ADAMTS17: variants seen among roughly 807,000 people sequenced by gnomAD.
The protein encoded by ADAMTS17 is A disintegrin and metalloproteinase with thrombospondin motifs 17.
A neutral mutation model predicts 141.5 loss-of-function variants in ADAMTS17; 113 were observed. The ratio of observed to expected loss-of-function variants is 0.80; its 90% CI spans 0.69 to 0.93. ADAMTS17 has a LOEUF of 0.93. ADAMTS17 is among the 40% of genes least tolerant of loss of function. ADAMTS17 has a pLI of 0.00. For missense variants in ADAMTS17, 1,659 were observed against 1,517.9 expected (o/e 1.09, Z -1.54); for synonymous variants, 768 against 630.6 (o/e 1.22, Z -3.27).
At chr15:100,117,659 T>G (rs112537433) in intron 12 of ADAMTS17, among the ~76,000 whole-genome samples, 2 of 152,048 alleles carry the variant, frequency 1.3e-5, no homozygotes, top group South Asian at 4.2e-4. Flanking sequence ...TTCCAGACTG[T>G]GTTCACTGGC....
intron 8 of ADAMTS17, among the ~76,000 whole-genome samples, chr15:100,181,970 G>A (rs184090199): frequency 1.5e-4 from 23 of 152,316 alleles, no homozygotes; most frequent in African/African-American, 4.3e-4. Context: ...CCACGAAGGC[G>A]AGGCCTGCCA....
chr15:100,219,563 C>T (rs2141773431), intron 7 of ADAMTS17, among the ~76,000 whole-genome samples: 1 of 152,318 alleles, frequency 6.6e-6, no homozygotes, highest in African/African-American at 2.4e-5. Context: ...CTTCTTCTAT[C>T]TCAAACCCAG....
chr15:100,090,487 G>A (rs1443962671), intron 15 of ADAMTS17, among the ~76,000 whole-genome samples: 1 of 152,148 alleles, frequency 6.6e-6, no homozygotes, highest in Admixed American at 6.5e-5. Context: ...GCTGATGCAT[G>A]GTATCCACAT....
rs1457118344 is a variant in ADAMTS17, at chr15:99,976,159, C to G, written c.3013G>C (p.Gly1005Arg). 1 of 1,550,704 alleles carries G rather than the reference C, an allele frequency of 6.4e-7. No individual in the cohort carries two copies. Among genetic ancestry groups the G allele is most frequent in the South Asian group, 1.2e-5 (1 of 84,058 alleles). Residue 1005 changes from glycine to arginine, a missense_variant, in exon 21 of 22, where the codon GGG becomes CGG. Physicochemically the swap from Gly to Arg is moderately radical, Grantham distance 125. Transcript: ENST00000268070. ...RVVQCMHKVT[G>R]RHGSECPALS... ...GCGGGGCACTCGCTGCCGTGGCGCC[C>G]TGTGACCTTGTGCATGCACTGCACC...
intron 3 of ADAMTS17, among the ~76,000 whole-genome samples, chr15:100,289,613 T>A (rs562278660): frequency 6.6e-6 from 1 of 151,988 alleles, no homozygotes; most frequent in East Asian, 1.9e-4. Context: ...TGCAAAAATC[T>A]TCAACAAAAT....
At chr15:100,135,469 G>C (rs1443848642) in intron 10 of ADAMTS17, among the ~76,000 whole-genome samples, 2 of 151,948 alleles carry the variant, frequency 1.3e-5, no homozygotes, top group Non-Finnish European at 2.9e-5. Flanking sequence ...ATTTTTAGTA[G>C]AGACGGGGTT....
chr15:100,312,425 C>T (rs180776102), intron 3 of ADAMTS17, among the ~76,000 whole-genome samples: 1 of 152,310 alleles, frequency 6.6e-6, no homozygotes, highest in Admixed American at 6.5e-5. Flanking sequence ...GAATGAAGGC[C>T]TGCTGACACT....
rs79369010 is a variant in ADAMTS17, at chr15:100,160,435, G to A, written c.1182-5115C>T. On this transcript the variant is annotated intron_variant, in intron 8 of 21. Coordinates refer to ENST00000268070, the MANE Select transcript of ADAMTS17 (RefSeq NM_139057.4). ...CACAATGGGAGGAGACTCAAGCCCT[G>A]GGAGGATGGTCTCCTCATTTATGGA... is the stretch of plus-strand genomic sequence containing the variant. 0.024 allele frequency among the ~76,000 whole-genome samples: 3,654 copies of A among 152,266 alleles called. 349 individuals are homozygous for A. In the East Asian group the frequency reaches 0.34, roughly 14 times the overall value.
chr15:100,013,643 A>T (rs1157800771), intron 18 of ADAMTS17, among the ~76,000 whole-genome samples: 1 of 152,214 alleles, frequency 6.6e-6, no homozygotes, highest in African/African-American at 2.4e-5. Context: ...TGAGATGATC[A>T]TGTGATTTTT....
intron 8 of ADAMTS17, chr15:100,168,658 G>A (rs925836171): frequency 6.6e-5 from 10 of 152,200 alleles, no homozygotes; most frequent in African/African-American, 2.2e-4. Flanking sequence ...TCAGTTTTAG[G>A]GAAGTCTACA....
intron 7 of ADAMTS17, among the ~76,000 whole-genome samples, chr15:100,241,894 T>C (rs2042838767): frequency 6.6e-6 from 1 of 152,158 alleles, no homozygotes; most frequent in African/African-American, 2.4e-5. Flanking sequence ...TAAACTGAAG[T>C]CCTAAATAGT....
intron 18 of ADAMTS17, among the ~76,000 whole-genome samples, chr15:100,042,452 C>G (rs1337871294): frequency 3.3e-5 from 5 of 152,306 alleles, no homozygotes; most frequent in African/African-American, 1.2e-4. Context: ...TCTTTTTCTT[C>G]ACAATTTCAT....
intron 18 of ADAMTS17, among the ~76,000 whole-genome samples, chr15:100,008,112 A>G (rs2061074027): frequency 6.6e-6 from 1 of 152,058 alleles, no homozygotes; most frequent in Non-Finnish European, 1.5e-5. Context: ...GGATGGGTGA[A>G]GGAGAGGGTG....
chr15:100,299,495 T>C (rs1396591740), intron 3 of ADAMTS17, among the ~76,000 whole-genome samples: 4 of 150,430 alleles, frequency 2.7e-5, no homozygotes, highest in Admixed American at 2.6e-4. Flanking sequence ...CAGTTTTACC[T>C]TCTAAATTGA....
intron 8 of ADAMTS17, among the ~76,000 whole-genome samples, chr15:100,179,388 A>T (rs1312973037): frequency 6.6e-6 from 1 of 152,070 alleles, no homozygotes; most frequent in Non-Finnish European, 1.5e-5. Flanking sequence ...AAGTGACAGG[A>T]TCTCATTCTT....
Position 99,974,498 on chromosome 15 carries a change from C to T in ADAMTS17, c.3192G>A (p.Lys1064=). 2 of 1,614,224 alleles carry T rather than the reference C, an allele frequency of 1.2e-6. No homozygotes were observed. The highest frequency in any genetic ancestry group is 2.2e-5 in the South Asian group (2 of 91,082). The change falls in exon 22 of 22, where the codon AAG becomes AAA. Residue 1064 remains lysine (K), a synonymous_variant. Transcript: ENST00000268070. ...WTVYCRVIRE[K]NLCQDMRWYQ... Reference sequence around the variant, plus strand: ...ACCACCGCATGTCCTGGCAGAGGTTCTTTTCTCGGATGACCCGGCAATATA... The same window carrying T: ...ACCACCGCATGTCCTGGCAGAGGTTTTTTTCTCGGATGACCCGGCAATATA...
At position 100,161,029 on chromosome 15, in the gene ADAMTS17, G is replaced by T. The variant is rs546376060; in HGVS notation, c.1182-5709C>A. Among the ~76,000 whole-genome samples the T allele has an allele frequency of 5.1e-3, 781 of 152,338 alleles. 7 individuals are homozygous for T. Among genetic ancestry groups the T allele is most frequent in the Non-Finnish European group, 8.4e-3 (570 of 68,026 alleles). On this transcript the variant is annotated intron_variant, in intron 8 of 21. Transcript: ENST00000268070. ...AAACGTGTGGCATTAAGTATGCCCA[G>T]TAATTTTAACTTTCAGTGACTGTGG...
intron 2 of ADAMTS17, among the ~76,000 whole-genome samples, chr15:100,335,308 C>T (rs1233688020): frequency 6.6e-6 from 1 of 152,180 alleles, no homozygotes; most frequent in Non-Finnish European, 1.5e-5. Context: ...GTTCCTCTAC[C>T]CCCATCTCTC....
chr15:100,306,560 G>C (rs1305222214), intron 3 of ADAMTS17: 8 of 455,916 alleles, frequency 1.8e-5, no homozygotes, highest in Non-Finnish European at 3.5e-5. Context: ...TCCCAGGTGA[G>C]GCCCAGACAC....
Sources: allele counts gnomAD v4.1 joint callset (sites outside exome capture counted in the v4.1 genomes callset), GRCh38; gene constraint gnomAD v4.1.1; transcripts MANE v1.5; gene names NCBI Gene and HGNC (gene_info 2026-07-23, HGNC 2026-07-21).